ELK3: variants seen among roughly 807,000 people sequenced by gnomAD.
ELK3 encodes ETS transcription factor ELK3, also known as ETS domain-containing protein Elk-3.
ELK3 carries 10 observed loss-of-function variants against 28.9 expected under a neutral mutation model. That is an observed-to-expected ratio of 0.35 (90% CI 0.21 to 0.59). The LOEUF (loss-of-function observed/expected upper bound fraction) is 0.59. Among genes scored for constraint, ELK3 ranks in the 20% least tolerant of loss-of-function variants. ELK3 has a pLI of 0.82. For missense variants in ELK3, 463 were observed against 517.3 expected (o/e 0.90, Z 1.02); for synonymous variants, 272 against 243.5 (o/e 1.12, Z -1.09).
At chr12:96,221,461 A>C (rs2137013170) in intron 1 of ELK3, among the ~76,000 whole-genome samples, 1 of 152,188 alleles carries the variant, frequency 6.6e-6, no homozygotes, top group East Asian at 1.9e-4. Flanking sequence ...TTCCCTGCAG[A>C]CCTCCAAACC....
In ELK3 at chr12:96,267,158, C is replaced by T. The variant is rs1310235673; in HGVS notation, c.1202C>T (p.Ser401Phe). 6.2e-7 allele frequency: 1 copy of T among 1,612,720 alleles called. No individual in the cohort carries two copies. Among genetic ancestry groups the T allele is most frequent in the Admixed American group, 1.7e-5 (1 of 59,778 alleles). Residue 401 changes from serine (S) to phenylalanine (F), a missense_variant, in exon 5 of 5, where the codon TCT becomes TTT. Around this residue, in one of 2 missense-constraint regions of ELK3, gnomAD observed 408 missense variants for 414.8 expected, o/e 0.98. Transcript: ENST00000228741. ...LDRAASPVLL[S>F]SNSQKS ...AGAGCTGCTTCTCCAGTACTGCTTT[C>T]TTCAAACTCTCAGAAATCCTGATGA...
chr12:96,232,193 G>C (rs1321918509), intron 2 of ELK3, among the ~76,000 whole-genome samples: 1 of 152,226 alleles, frequency 6.6e-6, no homozygotes, highest in Non-Finnish European at 1.5e-5. Flanking sequence ...GTGAGGGCAA[G>C]ATGTGGTTGG....
intron 3 of ELK3, among the ~76,000 whole-genome samples, chr12:96,259,289 C>A (rs76316020): frequency 6.6e-6 from 1 of 152,162 alleles, no homozygotes; most frequent in Non-Finnish European, 1.5e-5. Context: ...TGGTGGCTCA[C>A]GCCTGTAATC....
In ELK3 at chr12:96,224,629, A is replaced by G. The variant is rs77180779; in HGVS notation, c.207+856A>G. On this transcript the variant is annotated intron_variant, in intron 2 of 4. Coordinates refer to ENST00000228741, the MANE Select transcript of ELK3 (RefSeq NM_005230.4). ...ACCAGGACAGTTGGAGTGAGTTTTAATGCATTTCTGGAAAAGCAGTTTTAA... is the reference window on the plus strand; with the variant it reads ...ACCAGGACAGTTGGAGTGAGTTTTAGTGCATTTCTGGAAAAGCAGTTTTAA... Among the ~76,000 whole-genome samples the G allele has an allele frequency of 1.7e-3, 253 of 152,348 alleles. 1 individual carries two copies. The highest frequency in any genetic ancestry group is 5.9e-3 in the African/African-American group (246 of 41,582).
At chr12:96,220,544 C>T (rs529334683) in intron 1 of ELK3, among the ~76,000 whole-genome samples, 85 of 152,130 alleles carry the variant, frequency 5.6e-4, no homozygotes, top group Non-Finnish European at 7.8e-4. Context: ...CGGGCCACCA[C>T]GCCCAGCTGG....
At chr12:96,212,167 C>T (rs1331869735) in intron 1 of ELK3, among the ~76,000 whole-genome samples, 1 of 152,192 alleles carries the variant, frequency 6.6e-6, no homozygotes. Context: ...GGCCAGGTTT[C>T]CTGTGGCCCA....
At chr12:96,225,126 T>C (rs1951689563) in intron 2 of ELK3, among the ~76,000 whole-genome samples, 2 of 152,378 alleles carry the variant, frequency 1.3e-5, no homozygotes, top group South Asian at 4.1e-4. Flanking sequence ...CTTATTGTTT[T>C]GCGTGTTTTC....
At chr12:96,212,561 C>T (rs898537101) in intron 1 of ELK3, among the ~76,000 whole-genome samples, 6 of 152,144 alleles carry the variant, frequency 3.9e-5, no homozygotes, top group Middle Eastern at 3.2e-3. Flanking sequence ...AAATCTGTTT[C>T]CTGGGGATGT....
chr12:96,214,035 C>A (rs1373225596), intron 1 of ELK3, among the ~76,000 whole-genome samples: 1 of 152,120 alleles, frequency 6.6e-6, no homozygotes, highest in African/African-American at 2.4e-5. Flanking sequence ...CCCAGTAATC[C>A]TTGCATTGTG....
chr12:96,230,794 C>T (rs1951735281), intron 2 of ELK3, among the ~76,000 whole-genome samples: 1 of 152,202 alleles, frequency 6.6e-6, no homozygotes, highest in Non-Finnish European at 1.5e-5. Flanking sequence ...CCTGCATCTA[C>T]AGTTGTGCGG....
chr12:96,221,395 G>T (rs1035500959), intron 1 of ELK3, among the ~76,000 whole-genome samples: 2 of 152,202 alleles, frequency 1.3e-5, no homozygotes, highest in Non-Finnish European at 2.9e-5. Context: ...AAAGTGGGGG[G>T]TGGCGGTGGC....
chr12:96,219,041 G>T (rs1951643568), intron 1 of ELK3, among the ~76,000 whole-genome samples: 1 of 152,200 alleles, frequency 6.6e-6, no homozygotes, highest in Non-Finnish European at 1.5e-5. Flanking sequence ...GCTCAGAGTG[G>T]TGGGAAATCA....
chr12:96,266,846 C>T, intron 4 of ELK3, among the ~76,000 whole-genome samples: 1 of 152,122 alleles, frequency 6.6e-6, no homozygotes. Flanking sequence ...TTCCTAGTAG[C>T]CTATGCATAT....
intron 2 of ELK3, among the ~76,000 whole-genome samples, chr12:96,241,412 G>T (rs538215949): frequency 6.8e-6 from 1 of 146,344 alleles, no homozygotes; most frequent in Non-Finnish European, 1.5e-5. Flanking sequence ...TCTTCAAAGG[G>T]CACAGTGGAG....
intron 4 of ELK3, among the ~76,000 whole-genome samples, chr12:96,261,332 GTCAT>G (rs1951991129): frequency 6.6e-6 from 1 of 152,138 alleles, no homozygotes; most frequent in Non-Finnish European, 1.5e-5. Flanking sequence ...TTGAGCTATA[GTCAT>G]GTTGATTTTT....
intron 3 of ELK3, among the ~76,000 whole-genome samples, chr12:96,253,081 C>A (rs575180151): frequency 5.4e-4 from 82 of 152,104 alleles, no homozygotes; most frequent in African/African-American, 1.9e-3. Flanking sequence ...GCCAACATGG[C>A]AAAACCCCGT....
chr12:96,215,952 C>G (rs1004299950), intron 1 of ELK3, among the ~76,000 whole-genome samples: 1 of 152,142 alleles, frequency 6.6e-6, no homozygotes, highest in African/African-American at 2.4e-5. Context: ...GTTTTCATAA[C>G]TGCATTCTTT....
chr12:96,260,310 A>G (rs193242516), intron 4 of ELK3, among the ~76,000 whole-genome samples: 19 of 151,192 alleles, frequency 1.3e-4, no homozygotes, highest in African/African-American at 4.6e-4. Context: ...AAATATTATT[A>G]TTTATAAAAG....
chr12:96,239,786 C>T (rs1337520644), intron 2 of ELK3, among the ~76,000 whole-genome samples: 1 of 152,258 alleles, frequency 6.6e-6, no homozygotes, highest in Non-Finnish European at 1.5e-5. Flanking sequence ...GCAGACGCTG[C>T]AAGGCTGCTC....
Sources: gnomAD v4.1 joint callset for allele counts (sites outside exome capture counted in the v4.1 genomes callset) on GRCh38, gnomAD v4.1.1 for gene constraint, gnomAD v4.1.1 regional missense constraint, MANE v1.5 for transcripts, NCBI Gene and HGNC (gene_info 2026-07-23, HGNC 2026-07-21) for gene names.